Variants in NDC80 observed in about 807,000 individuals in gnomAD.
NDC80 encodes kinetochore protein NDC80 homolog.
NDC80 carries 69 observed loss-of-function variants against 89.3 expected under a neutral mutation model. The observed-to-expected ratio is 0.77, with a 90% CI of 0.64 to 0.94. The LOEUF is 0.94. Among genes scored for constraint, NDC80 ranks in the 40% least tolerant of loss-of-function variants. NDC80 has a pLI of 0.00. For missense variants in NDC80, 593 were observed against 739.6 expected, an observed-to-expected ratio of 0.80 and a Z score of 2.30; for synonymous variants, 243 against 255.6, an observed-to-expected ratio of 0.95 and a Z score of 0.47.
At chr18:2,585,606 T>G (rs1486166682) in intron 7 of NDC80, among the ~76,000 whole-genome samples, 1 of 152,232 alleles carries the variant, frequency 6.6e-6, no homozygotes, top group East Asian at 1.9e-4. Flanking sequence ...CAAACCATCG[T>G]TAAGTCAGGG....
In NDC80 at chr18:2,579,023, C is replaced by A; in HGVS notation, c.573C>A (p.Cys191Ter). 1 of 1,529,590 alleles carries A rather than the reference C, an allele frequency of 6.5e-7. No individual in the cohort carries two copies. Among genetic ancestry groups the A allele is most frequent in the Non-Finnish European group, 8.8e-7 (1 of 1,137,076 alleles). 94.8% of individuals were successfully genotyped at this position (1,529,590 alleles called of 1,614,324 possible). A position where few individuals can be genotyped will look rare whatever the true frequency, so the allele number is the denominator to read the frequency against. The change falls in exon 6 of 17, where the codon TGC becomes TGA. Residue 191 changes from cysteine to a stop codon, truncating the protein, a stop_gained. Coordinates refer to ENST00000261597, the MANE Select transcript of NDC80 (RefSeq NM_006101.3). LOFTEE classifies it high-confidence loss of function. Reference sequence around the variant, plus strand: ...CAGCCTTAGTTTGGCTAATAGACTGCATCAAGGTATTTGATTTGTTCTTTT... The same window carrying A: ...CAGCCTTAGTTTGGCTAATAGACTGAATCAAGGTATTTGATTTGTTCTTTT... ...IVAALVWLID[C>*]IKIHTAMKES...
At chr18:2,601,627 G>A (rs2072684655) in intron 13 of NDC80, 142 bp downstream of exon 13, 5 of 396,292 alleles carry the variant, frequency 1.3e-5, no homozygotes, top group Middle Eastern at 6.9e-4. Flanking sequence ...GTATGCTCTC[G>A]ACAGAAATAT....
chr18:2,584,896 A>G (rs368627279), intron 6 of NDC80, among the ~76,000 whole-genome samples: 9 of 152,240 alleles, frequency 5.9e-5, no homozygotes, highest in African/African-American at 1.9e-4. Flanking sequence ...GTTACTAAAC[A>G]AAAGGGTTTT....
chr18:2,580,002 A>G (rs2072568191), intron 6 of NDC80, among the ~76,000 whole-genome samples: 1 of 152,032 alleles, frequency 6.6e-6, no homozygotes, highest in African/African-American at 2.4e-5. Flanking sequence ...TTATGTTTTT[A>G]TATGGTTATT....
intron 16 of NDC80, among the ~76,000 whole-genome samples, chr18:2,616,145 C>A (rs1315262464): frequency 6.6e-6 from 1 of 152,104 alleles, no homozygotes; most frequent in Non-Finnish European, 1.5e-5. Context: ...CTGCCTCAGC[C>A]TCTTGCATAG....
At chr18:2,602,509 T>A (rs1439442564) in intron 13 of NDC80, among the ~76,000 whole-genome samples, 1 of 152,176 alleles carries the variant, frequency 6.6e-6, no homozygotes. Context: ...TTATTTGCAG[T>A]GAAGTCTTCC....
Position 2,599,288 on chromosome 18 carries a change from T to C in NDC80, c.1374+117T>C, listed in dbSNP as rs1459980776. 3 of 739,324 alleles carry C rather than the reference T, an allele frequency of 4.1e-6. No homozygotes were observed. The African/African-American group carries it at 5.5e-5, about 14-fold the overall frequency. The allele number at this position is 739,324 out of a possible 1,614,324, so 45.8% of individuals were successfully genotyped here. On this transcript the variant is annotated intron_variant, in intron 12 of 16. Coordinates refer to ENST00000261597, the MANE Select transcript of NDC80 (RefSeq NM_006101.3). ...AAACAAAGGAATAAAACACTGAAAC[T>C]GTATCTTCTTTCTTCTCGGTCATAG...
chr18:2,576,611 G>C (rs75489133), intron 3 of NDC80, among the ~76,000 whole-genome samples: 2,633 of 152,314 alleles, frequency 0.017, 84 homozygotes, highest in African/African-American at 0.06. Context: ...TCTATCTGGA[G>C]TAGGTCAGTG....
intron 16 of NDC80, among the ~76,000 whole-genome samples, chr18:2,614,620 A>G (rs1451371238): frequency 4.9e-5 from 1 of 20,290 alleles, no homozygotes; most frequent in Non-Finnish European, 9.9e-5. Context: ...AAAGAAAGAA[A>G]GAAAGAAAGA....
chr18:2,600,507 G>A (rs1276951382), intron 12 of NDC80, among the ~76,000 whole-genome samples: 1 of 152,006 alleles, frequency 6.6e-6, no homozygotes, highest in African/African-American at 2.4e-5. Context: ...TACTCGGGAG[G>A]CTGAGGCAGA....
chr18:2,596,927 C>G (rs2143653926), intron 11 of NDC80, among the ~76,000 whole-genome samples: 2 of 150,906 alleles, frequency 1.3e-5, no homozygotes, highest in South Asian at 4.2e-4. Flanking sequence ...ATTGCAAGGA[C>G]AAAAAACCAA....
At chr18:2,615,742 G>A (rs1363851052) in intron 16 of NDC80, among the ~76,000 whole-genome samples, 1 of 152,156 alleles carries the variant, frequency 6.6e-6, no homozygotes, top group East Asian at 1.9e-4. Context: ...ATACTATGCA[G>A]TACATTGAAT....
intron 10 of NDC80, chr18:2,594,954 C>T (rs963373117): frequency 2.6e-5 from 4 of 152,276 alleles, no homozygotes; most frequent in East Asian, 3.9e-4. Flanking sequence ...CATGGAGCCT[C>T]AGCCTAGAAT....
In NDC80 at chr18:2,610,874, T is replaced by TG; in HGVS notation, c.1791+15dup. 1 of 1,430,754 alleles carries TG rather than the reference T, an allele frequency of 7.0e-7. No homozygotes were observed. Among genetic ancestry groups the TG allele is most frequent in the Non-Finnish European group, 9.5e-7 (1 of 1,056,738 alleles). 88.6% of individuals were successfully genotyped at this position (1,430,754 alleles called of 1,614,324 possible). A position where few individuals can be genotyped will look rare whatever the true frequency, so the allele number is the denominator to read the frequency against. On this transcript the variant is annotated intron_variant, in intron 16 of 16. Transcript: ENST00000261597. ...TGGGTCTGTAGAGGTAAGTATGTGATGGTCTTTCCTACGTTCTAAGAAAGG... is the reference window on the plus strand; with the variant it reads ...TGGGTCTGTAGAGGTAAGTATGTGATGGGTCTTTCCTACGTTCTAAGAAAGG...
At chr18:2,592,833 T>G (rs1431574946) in intron 10 of NDC80, among the ~76,000 whole-genome samples, 1 of 152,146 alleles carries the variant, frequency 6.6e-6, no homozygotes, top group African/African-American at 2.4e-5. Context: ...GATGACTCTC[T>G]TGACCCCTTA....
Position 2,610,742 on chromosome 18 carries a change from G to C in NDC80, c.1689-17G>C, listed in dbSNP as rs766934416. ...TTTTTTTCCTGGACAACTTAAACAA[G>C]AGTTTTTGTTCTACAGATACCAACT... On this transcript the variant is annotated splice_polypyrimidine_tract_variant and intron_variant, in intron 15 of 16. Coordinates refer to ENST00000261597, the MANE Select transcript of NDC80 (RefSeq NM_006101.3). 3.3e-6 allele frequency: 5 copies of C among 1,529,280 alleles called. No homozygotes were observed. The highest frequency in any genetic ancestry group is 8.9e-7 in the Non-Finnish European group (1 of 1,122,280). The allele number at this position is 1,529,280 out of a possible 1,614,324, so 94.7% of individuals were successfully genotyped here. A position where few individuals can be genotyped will look rare whatever the true frequency, so the allele number is the denominator to read the frequency against.
intron 3 of NDC80, among the ~76,000 whole-genome samples, chr18:2,575,454 C>T (rs2072541518): frequency 6.6e-6 from 1 of 151,976 alleles, no homozygotes; most frequent in African/African-American, 2.4e-5. Context: ...CCTGACTCCA[C>T]ATTTTTTTAA....
chr18:2,606,519 G>A lies in NDC80; in HGVS notation c.1557+12G>A, dbSNP rs200093875. 542 of 1,559,414 alleles carry A rather than the reference G, an allele frequency of 3.5e-4. No individual in the cohort carries two copies. In the African/African-American group the frequency reaches 6.2e-3, roughly 18 times the overall value. On this transcript the variant is annotated intron_variant, in intron 14 of 16. Coordinates refer to ENST00000261597, the MANE Select transcript of NDC80 (RefSeq NM_006101.3). ...AACAAAAAATTAAGGTAAGAACTTT[G>A]CCACAGTTTGCGTAGGTTATCAAAA...
At chr18:2,603,062 G>T (rs960070977) in intron 13 of NDC80, among the ~76,000 whole-genome samples, 1 of 152,124 alleles carries the variant, frequency 6.6e-6, no homozygotes, top group Admixed American at 6.6e-5. Flanking sequence ...TTAAAGTAGG[G>T]TGTGGTGAGA....
Sources: allele counts gnomAD v4.1 joint callset (sites outside exome capture counted in the v4.1 genomes callset), GRCh38; gene constraint gnomAD v4.1.1; transcripts MANE v1.5; gene names NCBI Gene and HGNC (gene_info 2026-07-23, HGNC 2026-07-21).